Variants in RAD51AP2 observed in about 807,000 individuals in gnomAD.
RAD51AP2 encodes RAD51 associated protein 2.
Under a neutral mutation model 85.5 loss-of-function variants are expected in RAD51AP2, and 67 were observed. The ratio of observed to expected loss-of-function variants is 0.78; its 90% CI spans 0.64 to 0.96. RAD51AP2 has a LOEUF of 0.96. Ranked by LOEUF, RAD51AP2 falls within the 40% of genes least tolerant of loss-of-function variation. RAD51AP2 has a pLI of 0.00. For synonymous variants in RAD51AP2, 474 were observed against 446.5 expected (o/e 1.06, Z -0.78); for missense variants, 1,307 against 1,332.4 (o/e 0.98, Z 0.30).
chr2:17,521,538 A>C (rs571874864), upstream of RAD51AP2, among the ~76,000 whole-genome samples: 1 of 152,224 alleles, frequency 6.6e-6, no homozygotes, highest in African/African-American at 2.4e-5. Flanking sequence ...TAAATACAGC[A>C]GTTAGAAAGG....
intron 2 of RAD51AP2, among the ~76,000 whole-genome samples, chr2:17,511,322 A>C (rs961146963): frequency 2.6e-5 from 4 of 152,154 alleles, no homozygotes; most frequent in Non-Finnish European, 4.4e-5. Flanking sequence ...CTAAACAACT[A>C]TGCTGTATGG....
chr2:17,530,233 C>G, the RAD51AP2 span, among the ~76,000 whole-genome samples: 1 of 152,074 alleles, frequency 6.6e-6, no homozygotes, highest in African/African-American at 2.4e-5. Context: ...TAGCAGGGAC[C>G]AAAAAGAAAT....
the RAD51AP2 span, among the ~76,000 whole-genome samples, chr2:17,536,824 T>A: frequency 6.6e-6 from 1 of 152,198 alleles, no homozygotes; most frequent in Non-Finnish European, 1.5e-5. Context: ...ATTAACTGCA[T>A]GGGAATCACT....
chr2:17,517,709 T>G lies in RAD51AP2; in HGVS notation c.707A>C (p.Lys236Thr). 1.9e-6 allele frequency: 3 copies of G among 1,613,060 alleles called. No individual in the cohort carries two copies. The highest frequency in any genetic ancestry group is 2.5e-6 in the Non-Finnish European group (3 of 1,179,730). ...NISSSVLKISKSQNQPSLEIA... is the reference protein window; with the variant it reads ...NISSSVLKISTSQNQPSLEIA... ...TTCCAAGCTGGGCTGGTTTTGAGATTTTGATATTTTTAGTACAGATGATGA... is the reference window on the plus strand; with the variant it reads ...TTCCAAGCTGGGCTGGTTTTGAGATGTTGATATTTTTAGTACAGATGATGA... Residue 236 changes from lysine (K) to threonine (T), a missense_variant, in exon 1 of 3, where the codon AAA becomes ACA. This residue lies in a region of RAD51AP2 where 635 missense variants were observed against 643.6 expected (regional missense o/e 0.99). Coordinates refer to ENST00000399080, the MANE Select transcript of RAD51AP2 (RefSeq NM_001099218.3).
rs762562384 is a variant in RAD51AP2 at position 17,510,964 on chromosome 2, A to T, written c.3329-9T>A. The T allele has an allele frequency of 2.5e-6, 4 of 1,571,058 alleles. No homozygotes were observed. Among genetic ancestry groups the T allele is most frequent in the Non-Finnish European group, 3.4e-6 (4 of 1,160,928 alleles). On this transcript the variant is annotated splice_polypyrimidine_tract_variant and intron_variant, in intron 2 of 2. Transcript: ENST00000399080. ...ATGTGGAAAGTGACTACCTAAAAATATAAGACAATAAAAGTAAAAATTATC... is the reference window on the plus strand; with the variant it reads ...ATGTGGAAAGTGACTACCTAAAAATTTAAGACAATAAAAGTAAAAATTATC...
rs1662466046 is a variant in RAD51AP2 at position 17,510,716 on chromosome 2, C to A, written c.*88G>T. On this transcript the variant is annotated 3_prime_UTR_variant, in exon 3 of 3. Transcript: ENST00000399080. ...AAAACTTCTCCACTTTATAATAAAG[C>A]AAGCCCCAAACCCCCAAGCTGGAAG... The A allele has an allele frequency of 1.2e-6, 1 of 836,494 alleles. No homozygotes were observed. The highest frequency in any genetic ancestry group is 3.3e-5 in the South Asian group (1 of 30,732). 51.8% of individuals were successfully genotyped at this position (836,494 alleles called of 1,614,324 possible).
the RAD51AP2 span, among the ~76,000 whole-genome samples, chr2:17,532,387 G>T: frequency 7.3e-3 from 1,110 of 152,062 alleles, 6 homozygotes; most frequent in Middle Eastern, 0.017. Flanking sequence ...TCCAATCTTT[G>T]CCCCTGTAGT....
chr2:17,524,984 A>G, the RAD51AP2 span, among the ~76,000 whole-genome samples: 1 of 151,856 alleles, frequency 6.6e-6, no homozygotes, highest in South Asian at 2.1e-4. Context: ...AAGGTCCAAA[A>G]AATAGAGCTC....
chr2:17,524,592 C>T, the RAD51AP2 span, among the ~76,000 whole-genome samples: 1 of 151,792 alleles, frequency 6.6e-6, no homozygotes, highest in African/African-American at 2.4e-5. Context: ...CATCCATGTT[C>T]CCATAACATT....
intron 1 of RAD51AP2, among the ~76,000 whole-genome samples, chr2:17,514,936 C>A (rs1377360875): frequency 2.1e-5 from 3 of 145,186 alleles, no homozygotes; most frequent in East Asian, 4.0e-4. Context: ...TTGGTGTTTC[C>A]AAGGAGTAAC....
At chr2:17,533,104 C>G in the RAD51AP2 span, among the ~76,000 whole-genome samples, 2 of 152,192 alleles carry the variant, frequency 1.3e-5, no homozygotes, top group African/African-American at 4.8e-5. Flanking sequence ...CTTGTCTCTT[C>G]TCTTTATACT....
chr2:17,527,715 G>A, the RAD51AP2 span, among the ~76,000 whole-genome samples: 16 of 152,300 alleles, frequency 1.1e-4, 1 homozygote, highest in South Asian at 3.3e-3. Context: ...TGGCAGAGGG[G>A]AGTAGAGAGG....
the RAD51AP2 span, among the ~76,000 whole-genome samples, chr2:17,537,693 C>A: frequency 6.6e-6 from 1 of 152,108 alleles, no homozygotes; most frequent in African/African-American, 2.4e-5. Flanking sequence ...TGTCATTCTC[C>A]GTTTTCAATT....
rs1662689804 is a variant in RAD51AP2 at position 17,516,806 on chromosome 2, T to C, written c.1610A>G (p.Lys537Arg). ...AATTATACCAATTTGCTTTTTACAC[T>C]TCAAAATGTTACAGCAGGTTAAAAT... Reference protein sequence around the residue: ...NSILTCCNILKCKKQIGIIGI... With the variant: ...NSILTCCNILRCKKQIGIIGI... Residue 537 changes from lysine to arginine, a missense_variant, in exon 1 of 3, where the codon AAG becomes AGG. Coordinates refer to ENST00000399080, the MANE Select transcript of RAD51AP2 (RefSeq NM_001099218.3). 14 of 1,551,932 alleles carry C rather than the reference T, an allele frequency of 9.0e-6. No individual in the cohort carries two copies. The highest frequency in any genetic ancestry group is 1.2e-5 in the Non-Finnish European group (14 of 1,146,892).
chr2:17,521,520 A>T (rs1662855998), upstream of RAD51AP2, among the ~76,000 whole-genome samples: 1 of 152,100 alleles, frequency 6.6e-6, no homozygotes, highest in African/African-American at 2.4e-5. Flanking sequence ...ACCACTAACA[A>T]AAATATTTAA....
At chr2:17,524,820 A>C in the RAD51AP2 span, among the ~76,000 whole-genome samples, 1 of 151,956 alleles carries the variant, frequency 6.6e-6, no homozygotes, top group Non-Finnish European at 1.5e-5. Context: ...GTACTGTAAA[A>C]AATAAATGCT....
chr2:17,529,652 C>T, the RAD51AP2 span, among the ~76,000 whole-genome samples: 285 of 152,248 alleles, frequency 1.9e-3, no homozygotes, highest in African/African-American at 6.6e-3. Flanking sequence ...AACTATGTGT[C>T]CTGGTGATAT....
At position 17,516,814 on chromosome 2, in the gene RAD51AP2, G is replaced by T. The variant is rs576895130; in HGVS notation, c.1602C>A (p.Asn534Lys). 1 of 1,546,396 alleles carries T rather than the reference G, an allele frequency of 6.5e-7. No individual in the cohort carries two copies. Among genetic ancestry groups the T allele is most frequent in the South Asian group, 1.2e-5 (1 of 81,602 alleles). ...CAATTTGCTTTTTACACTTCAAAAT[G>T]TTACAGCAGGTTAAAATACTATTAT... Reference protein sequence around the residue: ...KKDNSILTCCNILKCKKQIGI... With the variant: ...KKDNSILTCCKILKCKKQIGI... The change falls in exon 1 of 3, where the codon AAC becomes AAA. Residue 534 changes from asparagine to lysine, a missense_variant. Asn to Lys is a moderately conservative substitution (Grantham distance 94). This residue lies in a region of RAD51AP2 where 635 missense variants were observed against 643.6 expected (regional missense o/e 0.99). Transcript: ENST00000399080.
Position 17,517,673 on chromosome 2 carries a change from G to T in RAD51AP2, c.743C>A (p.Pro248His), listed in dbSNP as rs756842838. The T allele has an allele frequency of 6.2e-7, 1 of 1,613,512 alleles. No homozygotes were observed. Among genetic ancestry groups the T allele is most frequent in the South Asian group, 1.1e-5 (1 of 90,798 alleles). The change falls in exon 1 of 3, where the codon CCT becomes CAT. Residue 248 changes from proline (P) to histidine (H), a missense_variant. Pro to His is a moderately conservative substitution (Grantham distance 77, BLOSUM62 -2). Transcript: ENST00000399080. ...TGTGCCGCTATCTCTAAAATAGCTA[G>T]GTTTGGCAATTTCCAAGCTGGGCTG... is the stretch of plus-strand genomic sequence containing the variant. The part of the protein sequence containing the change: ...QNQPSLEIAK[P>H]SYFRDSGTIS...
Sources: gnomAD v4.1 joint callset for allele counts (sites outside exome capture counted in the v4.1 genomes callset) on GRCh38, gnomAD v4.1.1 for gene constraint, gnomAD v4.1.1 regional missense constraint, MANE v1.5 for transcripts, NCBI Gene and HGNC (gene_info 2026-07-23, HGNC 2026-07-21) for gene names.